The following BRINP1 variants were observed in gnomAD, a reference collection of about 807,000 sequenced individuals.
The protein encoded by BRINP1 is BMP/retinoic acid inducible neural specific 1.
Under a neutral mutation model 72.9 loss-of-function variants are expected in BRINP1, and 17 were observed. That is an observed-to-expected ratio of 0.23 (90% CI 0.16 to 0.35). The LOEUF (loss-of-function observed/expected upper bound fraction) is 0.35. BRINP1 is among the 10% of genes least tolerant of loss of function. The pLI is 1.00. For missense variants in BRINP1, 850 were observed against 1,001.6 expected (o/e 0.85, Z 2.04); for synonymous variants, 418 against 378.5 (o/e 1.10, Z -1.21).
At chr9:119,345,625 T>C (rs1831442009) in intron 1 of BRINP1, among the ~76,000 whole-genome samples, 1 of 152,188 alleles carries the variant, frequency 6.6e-6, no homozygotes, top group Admixed American at 6.5e-5. Flanking sequence ...ATCTCTAAAG[T>C]TGTACCATTA....
At chr9:119,363,812 C>G (rs1587974454) in intron 1 of BRINP1, among the ~76,000 whole-genome samples, 1 of 152,124 alleles carries the variant, frequency 6.6e-6, no homozygotes, top group African/African-American at 2.4e-5. Context: ...ATTAAATATT[C>G]AGTTCATCAG....
At chr9:119,281,495 G>A (rs1830711617) in intron 2 of BRINP1, among the ~76,000 whole-genome samples, 1 of 152,070 alleles carries the variant, frequency 6.6e-6, no homozygotes. Flanking sequence ...GAAGGGAGGA[G>A]CAGGGAAGGG....
intron 7 of BRINP1, among the ~76,000 whole-genome samples, chr9:119,170,412 G>T (rs1312143739): frequency 1.3e-5 from 2 of 150,252 alleles, no homozygotes; most frequent in Non-Finnish European, 3.0e-5. Flanking sequence ...GAAATGAAGT[G>T]AGAAGGGAAG....
At chr9:119,361,611 C>A (rs1587973716) in intron 1 of BRINP1, among the ~76,000 whole-genome samples, 1 of 100,830 alleles carries the variant, frequency 9.9e-6, no homozygotes, top group Admixed American at 9.6e-5. Flanking sequence ...GCAACATATT[C>A]TTCTTCTTCT....
chr9:119,210,165 A>G lies in BRINP1; in HGVS notation c.923-1224T>C, dbSNP rs567822316. Among the ~76,000 whole-genome samples, 25 of 152,306 alleles carry G rather than the reference A, an allele frequency of 1.6e-4. 1 individual carries two copies. Among genetic ancestry groups the G allele is most frequent in the African/African-American group, 5.5e-4 (23 of 41,556 alleles). On this transcript the variant is annotated intron_variant, in intron 6 of 7. Coordinates refer to ENST00000265922, the MANE Select transcript of BRINP1 (RefSeq NM_014618.3). ...CTGTGTCCTGAGTTTCTGTTTTCCA[A>G]TCTAATAATCCAATCTGTTGTAATT...
At chr9:119,189,272 A>T (rs1327019404) in intron 7 of BRINP1, among the ~76,000 whole-genome samples, 1 of 152,136 alleles carries the variant, frequency 6.6e-6, no homozygotes, top group African/African-American at 2.4e-5. Flanking sequence ...GAAAAAAAGG[A>T]TCTATTAAAC....
chr9:119,220,458 T>A (rs1333107324), intron 5 of BRINP1, among the ~76,000 whole-genome samples: 3 of 152,190 alleles, frequency 2.0e-5, no homozygotes, highest in Non-Finnish European at 2.9e-5. Context: ...CCAATCTTCA[T>A]CGCTGACTTT....
At chr9:119,254,299 G>T (rs1440374114) in intron 2 of BRINP1, among the ~76,000 whole-genome samples, 1 of 152,160 alleles carries the variant, frequency 6.6e-6, no homozygotes, top group Non-Finnish European at 1.5e-5. Context: ...AGGCTGCGAT[G>T]TCCAGAAGGG....
intron 1 of BRINP1, among the ~76,000 whole-genome samples, chr9:119,349,748 G>C (rs977014360): frequency 1.3e-5 from 2 of 152,196 alleles, no homozygotes; most frequent in Non-Finnish European, 2.9e-5. Flanking sequence ...TGCAGTCAGC[G>C]AAAAGCCCCC....
chr9:119,315,115 T>C (rs1310389756), intron 1 of BRINP1, among the ~76,000 whole-genome samples: 5 of 152,216 alleles, frequency 3.3e-5, no homozygotes, highest in Non-Finnish European at 1.5e-5. Flanking sequence ...TTTCTGTAAC[T>C]GCATTTTAGC....
At chr9:119,204,083 G>A (rs752511698) in intron 7 of BRINP1, among the ~76,000 whole-genome samples, 58 of 152,246 alleles carry the variant, frequency 3.8e-4, no homozygotes, top group Non-Finnish European at 6.2e-4. Flanking sequence ...TCCAGTCCCC[G>A]TGGAGAGGTC....
intron 1 of BRINP1, among the ~76,000 whole-genome samples, chr9:119,327,293 T>C (rs1831250211): frequency 6.6e-6 from 1 of 152,210 alleles, no homozygotes; most frequent in Non-Finnish European, 1.5e-5. Flanking sequence ...TTCCTGATGC[T>C]CTCTCCTACA....
At chr9:119,219,646 T>TGAGAGAGAGAGAGAGAGAGAGAGA (rs57623423) in intron 5 of BRINP1, among the ~76,000 whole-genome samples, 1 of 125,824 alleles carries the variant, frequency 7.9e-6, no homozygotes, top group African/African-American at 2.9e-5. Context: ...TACTGTTTAC[T>TGAGAGAGAGAGAGAGAGAGAGAGA]GAGAGAGAGA....
intron 1 of BRINP1, among the ~76,000 whole-genome samples, chr9:119,328,163 G>A (rs1366115770): frequency 6.6e-6 from 1 of 152,288 alleles, no homozygotes; most frequent in South Asian, 2.1e-4. Flanking sequence ...ACAAAGCCAG[G>A]GGAGCAGGGG....
chr9:119,226,016 A>G (rs1588169995), intron 5 of BRINP1, among the ~76,000 whole-genome samples: 1 of 152,094 alleles, frequency 6.6e-6, no homozygotes, highest in Non-Finnish European at 1.5e-5. Flanking sequence ...TAATGAACAA[A>G]TGAAAAAGCA....
intron 2 of BRINP1, among the ~76,000 whole-genome samples, chr9:119,255,954 CAAAAAAAAAAAAA>C (rs58972395): frequency 1.7e-4 from 9 of 53,498 alleles, no homozygotes; most frequent in Admixed American, 1.3e-3. Flanking sequence ...GACTCCAGCT[CAAAAAAAAAAAAA>C]AAAAAAAAAA....
chr9:119,191,035 C>T (rs904350691), intron 7 of BRINP1, among the ~76,000 whole-genome samples: 7 of 151,872 alleles, frequency 4.6e-5, no homozygotes, highest in Non-Finnish European at 4.4e-5. Context: ...AGATTAAAAT[C>T]ATAAGATCAC....
At chr9:119,207,203 CAAGAAAAACGA>C (rs1421958965) in intron 7 of BRINP1, among the ~76,000 whole-genome samples, 33 of 152,058 alleles carry the variant, frequency 2.2e-4, no homozygotes, top group Middle Eastern at 3.4e-3. Context: ...AGCTCTGACG[CAAGAAAAACGA>C]GAGAAAAAAG....
chr9:119,331,171 G>C (rs767957391), intron 1 of BRINP1, among the ~76,000 whole-genome samples: 3 of 152,124 alleles, frequency 2.0e-5, no homozygotes, highest in Non-Finnish European at 2.9e-5. Flanking sequence ...AAATGTAAAA[G>C]ACCCCCAGGA....
Sources: allele counts gnomAD v4.1 joint callset (sites outside exome capture counted in the v4.1 genomes callset), GRCh38; gene constraint gnomAD v4.1.1; transcripts MANE v1.5; gene names NCBI Gene and HGNC (gene_info 2026-07-23, HGNC 2026-07-21).